Variants in ST8SIA5 observed in about 807,000 individuals in gnomAD.
The protein encoded by ST8SIA5 is alpha-2,8-sialyltransferase 8E.
In ST8SIA5, 24 loss-of-function variants were observed where a neutral mutation model predicts 40.2. The ratio of observed to expected loss-of-function variants is 0.60; its 90% CI spans 0.43 to 0.84. The LOEUF is 0.84. Among genes scored for constraint, ST8SIA5 ranks in the 40% least tolerant of loss-of-function variants. The pLI, the probability that ST8SIA5 is intolerant of heterozygous loss-of-function variation, is 0.00. For missense variants in ST8SIA5, 465 were observed against 498.5 expected, an observed-to-expected ratio of 0.93 and a Z score of 0.64; for synonymous variants, 198 against 201.8, an observed-to-expected ratio of 0.98 and a Z score of 0.16.
At chr18:46,755,264 T>A (rs963799588) in intron 1 of ST8SIA5, among the ~76,000 whole-genome samples, 1 of 152,176 alleles carries the variant, frequency 6.6e-6, no homozygotes, top group African/African-American at 2.4e-5. Context: ...GGAGCACCCA[T>A]ACCTGATGTA....
chr18:46,721,407 A>G (rs1202497546), intron 1 of ST8SIA5: 1 of 1,536,072 alleles, frequency 6.5e-7, no homozygotes, highest in East Asian at 2.4e-5. Flanking sequence ...ATCATCCGTG[A>G]CATTAAAGAG....
intron 1 of ST8SIA5, among the ~76,000 whole-genome samples, chr18:46,712,703 T>C (rs1205262929): frequency 6.6e-6 from 1 of 152,166 alleles, no homozygotes; most frequent in African/African-American, 2.4e-5. Flanking sequence ...CTCTACTGTG[T>C]GCCAGGAACT....
chr18:46,720,932 G>A (rs1386296918), intron 1 of ST8SIA5, among the ~76,000 whole-genome samples: 2 of 152,124 alleles, frequency 1.3e-5, no homozygotes, highest in Non-Finnish European at 2.9e-5. Flanking sequence ...CTGTGGGCAG[G>A]GCAGGGAGTA....
chr18:46,686,453 G>A (rs2039448870), intron 4 of ST8SIA5, among the ~76,000 whole-genome samples, 167 bp from the exon 5 acceptor site: 1 of 152,180 alleles, frequency 6.6e-6, no homozygotes, highest in Non-Finnish European at 1.5e-5. Context: ...TGGGAAGAGT[G>A]GTTGAGAGTC....
intron 4 of ST8SIA5, 97 bp from the exon 5 acceptor site, chr18:46,686,383 T>G: frequency 1.0e-6 from 1 of 968,666 alleles, no homozygotes; most frequent in Non-Finnish European, 1.6e-6. Flanking sequence ...TATTAGCTCC[T>G]GGTCCCAAGA....
chr18:46,721,727 G>T (rs1216458381), intron 1 of ST8SIA5, among the ~76,000 whole-genome samples: 2 of 152,138 alleles, frequency 1.3e-5, no homozygotes, highest in Non-Finnish European at 2.9e-5. Flanking sequence ...CACACACAGG[G>T]ACATTGCGAC....
intron 1 of ST8SIA5, among the ~76,000 whole-genome samples, chr18:46,744,560 T>C (rs1194007228): frequency 3.3e-5 from 5 of 152,142 alleles, no homozygotes. Flanking sequence ...CCCAGATTCA[T>C]AAAGCAAGTC....
intron 5 of ST8SIA5, among the ~76,000 whole-genome samples, chr18:46,682,632 C>T (rs1325583683): frequency 6.6e-6 from 1 of 152,218 alleles, no homozygotes; most frequent in African/African-American, 2.4e-5. Flanking sequence ...TCCCTGGAAC[C>T]TGTGACTATG....
At chr18:46,725,880 G>A (rs1464737402) in intron 1 of ST8SIA5, among the ~76,000 whole-genome samples, 1 of 147,808 alleles carries the variant, frequency 6.8e-6, no homozygotes, top group African/African-American at 2.5e-5. Flanking sequence ...CAGCACTTTG[G>A]TAGGCCATGG....
chr18:46,692,875 A>AGGG (rs2039521192), intron 2 of ST8SIA5, among the ~76,000 whole-genome samples: 3 of 61,440 alleles, frequency 4.9e-5, no homozygotes, highest in Non-Finnish European at 9.4e-5. Flanking sequence ...CCCACCCCCC[A>AGGG]CCCTAATCAT....
At chr18:46,714,434 C>T (rs16939989) in intron 1 of ST8SIA5, among the ~76,000 whole-genome samples, 123,411 of 152,104 alleles carry the variant, frequency 0.81, 51,285 homozygotes, top group Non-Finnish European at 0.9. Context: ...GGAGGAAGCA[C>T]AGGATCGTGA....
Position 46,680,421 on chromosome 18 carries a change from T to G in ST8SIA5, c.752A>C (p.Asn251Thr), listed in dbSNP as rs756842895. ...NASVLLPAFYNTRNTDVSIRV... is the reference protein window; with the variant it reads ...NASVLLPAFYTTRNTDVSIRV... ...GATGGACACGTCGGTGTTGCGCGTGTTGTAGAAGGCAGGCAGCAGCACCGA... is the reference window on the plus strand; with the variant it reads ...GATGGACACGTCGGTGTTGCGCGTGGTGTAGAAGGCAGGCAGCAGCACCGA... Residue 251 changes from asparagine (N) to threonine (T), a missense_variant, in exon 7 of 7, where the codon AAC (asparagine) becomes ACC (threonine). By Grantham distance (65) the Asn-to-Thr change is moderately conservative. Transcript: ENST00000315087. The G allele has an allele frequency of 6.2e-7, 1 of 1,613,408 alleles. No individual in the cohort carries two copies. The highest frequency in any genetic ancestry group is 1.7e-5 in the Admixed American group (1 of 59,942).
rs373627968 is a variant in ST8SIA5, at chr18:46,688,757, C to T, written c.456+18G>A. On this transcript the variant is annotated intron_variant, in intron 4 of 6. Transcript: ENST00000315087. Reference sequence around the variant, plus strand: ...GGCTCCCTCGCCCCACCCAGACCGCCCCCGCCCAAAGCAGCACCTTGGGAA... The same window carrying T: ...GGCTCCCTCGCCCCACCCAGACCGCTCCCGCCCAAAGCAGCACCTTGGGAA... 22 of 1,606,092 alleles carry T rather than the reference C, an allele frequency of 1.4e-5. No individual in the cohort carries two copies. In the East Asian group the frequency reaches 3.1e-4, roughly 23 times the overall value.
At chr18:46,686,678 C>T (rs2039451243) in intron 4 of ST8SIA5, among the ~76,000 whole-genome samples, 1 of 152,148 alleles carries the variant, frequency 6.6e-6, no homozygotes, top group African/African-American at 2.4e-5. Context: ...TTAAGGGGGA[C>T]TTCTGCGGGA....
At chr18:46,739,370 C>T (rs1302235956) in intron 1 of ST8SIA5, among the ~76,000 whole-genome samples, 9 of 152,050 alleles carry the variant, frequency 5.9e-5, no homozygotes, top group African/African-American at 1.9e-4. Context: ...AGCGAAACCC[C>T]GACTCTACTA....
chr18:46,722,758 C>T (rs904150229), intron 1 of ST8SIA5, among the ~76,000 whole-genome samples: 1 of 152,200 alleles, frequency 6.6e-6, no homozygotes, highest in Admixed American at 6.5e-5. Context: ...CCAGACATTG[C>T]CAATGTCTAC....
chr18:46,683,050 T>C (rs1486073182), intron 5 of ST8SIA5, among the ~76,000 whole-genome samples: 1 of 152,112 alleles, frequency 6.6e-6, no homozygotes, highest in African/African-American at 2.4e-5. Context: ...ATAGCAGCAA[T>C]AGGAAACGAA....
At chr18:46,732,830 G>T (rs2039997910) in intron 1 of ST8SIA5, among the ~76,000 whole-genome samples, 1 of 151,924 alleles carries the variant, frequency 6.6e-6, no homozygotes, top group African/African-American at 2.4e-5. Context: ...AAATTGTGCT[G>T]TGAAGAAACT....
At position 46,675,780 on chromosome 18, in the gene ST8SIA5, T is replaced by G. The variant is rs1185367684; in HGVS notation, c.*4262A>C. ...GAAAGACCAGAGAGACTGTGCATAGTGGCTCACACCTGTAATCCCAGCACT... is the reference window on the plus strand; with the variant it reads ...GAAAGACCAGAGAGACTGTGCATAGGGGCTCACACCTGTAATCCCAGCACT... On this transcript the variant is annotated 3_prime_UTR_variant, in exon 7 of 7. Coordinates refer to ENST00000315087, the MANE Select transcript of ST8SIA5 (RefSeq NM_013305.6). The G allele has an allele frequency of 6.6e-6, 1 of 152,144 alleles. No individual in the cohort carries two copies. Among genetic ancestry groups the G allele is most frequent in the Non-Finnish European group, 1.5e-5 (1 of 68,082 alleles). 9.4% of individuals were successfully genotyped at this position (152,144 alleles called of 1,614,324 possible).
Sources: allele counts gnomAD v4.1 joint callset (sites outside exome capture counted in the v4.1 genomes callset), GRCh38; gene constraint gnomAD v4.1.1; transcripts MANE v1.5; gene names NCBI Gene and HGNC (gene_info 2026-07-23, HGNC 2026-07-21).